XXYLT1: variants seen among roughly 807,000 people sequenced by gnomAD.
XXYLT1 encodes xyloside xylosyltransferase 1, also known as UDP-xylose:alpha-xyloside alpha-1,3-xylosyltransferase.
XXYLT1 carries 20 observed loss-of-function variants against 28.9 expected under a neutral mutation model. That is an observed-to-expected ratio of 0.69 (90% CI 0.49 to 1.00). The LOEUF (loss-of-function observed/expected upper bound fraction) is 1.00. Ranked by LOEUF, XXYLT1 falls within the 50% of genes least tolerant of loss-of-function variation. The pLI is 0.00. For missense variants in XXYLT1, 542 were observed against 560.1 expected (o/e 0.97, Z 0.33); for synonymous variants, 257 against 253.8 (o/e 1.01, Z -0.12).
chr3:195,244,859 A>C (rs1021280768), intron 1 of XXYLT1, among the ~76,000 whole-genome samples: 11 of 145,768 alleles, frequency 7.5e-5, no homozygotes, highest in Non-Finnish European at 1.2e-4. Flanking sequence ...TCAAAAAAAA[A>C]AAAAACAAAA....
At chr3:195,083,256 A>C (rs140111549) in intron 3 of XXYLT1, among the ~76,000 whole-genome samples, 15 of 152,220 alleles carry the variant, frequency 9.9e-5, no homozygotes, top group African/African-American at 3.6e-4. Flanking sequence ...AAGCCTTGAT[A>C]ACCCCCTGCG....
chr3:195,210,929 C>T lies in XXYLT1; in HGVS notation c.652+15780G>A, dbSNP rs575986851. 2.0e-5 allele frequency among the ~76,000 whole-genome samples: 3 copies of T among 152,320 alleles called. No individual in the cohort carries two copies. The highest frequency in any genetic ancestry group is 2.1e-4 in the South Asian group (1 of 4,824). On this transcript the variant is annotated intron_variant, in intron 2 of 3. Transcript: ENST00000310380. This position sits in a 1 kb window ranked among gnomAD's most constrained non-coding sequence, Gnocchi z 4.8. The stretch of plus-strand genomic sequence containing the variant: ...AACGCTGACAGTCAAGGGCAGCACC[C>T]GCCACAGCAGGAATCAGAGTTCTCC...
chr3:195,121,920 C>T (rs1451322329), intron 3 of XXYLT1: 4 of 651,030 alleles, frequency 6.1e-6, no homozygotes, highest in Non-Finnish European at 1.1e-5. Flanking sequence ...GAAAGCCCAG[C>T]CTGGACCCTA....
In XXYLT1 at chr3:195,270,838, G is replaced by A. The variant is rs1185280977; in HGVS notation, c.221C>T (p.Ala74Val). ...AAPSPPALEL[A>V]RGSVAPAPGA... ...GGGGGCTGGCGCCACGGAGCCCCGC[G>A]CTAGCTCCAGCGCGGGCGGCGAGGG... Residue 74 changes from alanine to valine, a missense_variant, in exon 1 of 4, where the codon GCG (alanine) becomes GTG (valine). Physicochemically the swap from Ala to Val is moderately conservative, Grantham distance 64. Transcript: ENST00000310380. The A allele has an allele frequency of 2.1e-6, 3 of 1,451,210 alleles. No individual in the cohort carries two copies. Among genetic ancestry groups the A allele is most frequent in the Non-Finnish European group, 1.8e-6 (2 of 1,103,396 alleles). 89.9% of individuals were successfully genotyped at this position (1,451,210 alleles called of 1,614,324 possible). A position where few individuals can be genotyped will look rare whatever the true frequency, so the allele number is the denominator to read the frequency against.
chr3:195,125,444 C>T (rs941221284), intron 3 of XXYLT1, among the ~76,000 whole-genome samples: 5 of 152,216 alleles, frequency 3.3e-5, no homozygotes, highest in African/African-American at 1.2e-4. Flanking sequence ...GCAGCCCTAG[C>T]CTGTCCACCG....
intron 3 of XXYLT1, among the ~76,000 whole-genome samples, chr3:195,106,979 G>A (rs557748665): frequency 6.6e-6 from 1 of 152,266 alleles, no homozygotes; most frequent in Admixed American, 6.5e-5. Context: ...GCTCCCGGAT[G>A]GTAATACAAT....
intron 3 of XXYLT1, among the ~76,000 whole-genome samples, chr3:195,125,233 G>A (rs1228767374): frequency 6.6e-6 from 1 of 152,276 alleles, no homozygotes; most frequent in Non-Finnish European, 1.5e-5. Flanking sequence ...GGCTCCGACA[G>A]GGAGCTGAAC....
chr3:195,183,566 C>T (rs554440668), intron 2 of XXYLT1: 1 of 152,360 alleles, frequency 6.6e-6, no homozygotes, highest in East Asian at 1.9e-4. Context: ...TACGATTGGT[C>T]TGTCCTTTGG....
intron 1 of XXYLT1, among the ~76,000 whole-genome samples, chr3:195,239,812 T>A (rs562976114): frequency 6.6e-6 from 1 of 152,246 alleles, no homozygotes; most frequent in Admixed American, 6.5e-5. Context: ...CCCTGTGAAT[T>A]TATGTAGAAT....
intron 1 of XXYLT1, among the ~76,000 whole-genome samples, chr3:195,235,903 CATAGACATAGACAT>C (rs1724517884): frequency 1.8e-5 from 2 of 112,690 alleles, no homozygotes; most frequent in African/African-American, 1.1e-4. Context: ...TAGACATAGA[CATAGACATAGACAT>C]AGACATAGAC....
intron 3 of XXYLT1, among the ~76,000 whole-genome samples, chr3:195,101,258 G>A (rs1019600628): frequency 6.6e-6 from 1 of 152,274 alleles, no homozygotes; most frequent in Non-Finnish European, 1.5e-5. Context: ...TTGATTGGGA[G>A]CAATTAAGGA....
At chr3:195,200,026 C>A (rs1425902374) in intron 2 of XXYLT1, among the ~76,000 whole-genome samples, 1 of 152,248 alleles carries the variant, frequency 6.6e-6, no homozygotes, top group East Asian at 1.9e-4. Context: ...TGATGGTGTA[C>A]ACTGTGACCC....
At chr3:195,085,185 G>A (rs907535357) in intron 3 of XXYLT1, among the ~76,000 whole-genome samples, 4 of 152,236 alleles carry the variant, frequency 2.6e-5, no homozygotes, top group African/African-American at 9.6e-5. Flanking sequence ...GGACAAAAGG[G>A]GCTGAGTGAG....
chr3:195,090,833 G>A (rs904649437), intron 3 of XXYLT1, among the ~76,000 whole-genome samples: 7 of 151,110 alleles, frequency 4.6e-5, no homozygotes, highest in Non-Finnish European at 1.0e-4. Context: ...AATAAAAAAT[G>A]ATAAAGGGGA....
intron 1 of XXYLT1, among the ~76,000 whole-genome samples, chr3:195,250,134 G>A (rs62285241): frequency 6.6e-6 from 1 of 152,270 alleles, no homozygotes; most frequent in South Asian, 2.1e-4. Flanking sequence ...ACACTGCACT[G>A]AGCCTCCGAC....
rs573597534 is a variant in XXYLT1, at chr3:195,133,687, G to A, written c.785+22762C>T. 7.2e-5 allele frequency among the ~76,000 whole-genome samples: 11 copies of A among 152,200 alleles called. No individual in the cohort carries two copies. In the South Asian group the frequency reaches 2.1e-3, roughly 29 times the overall value. ...GCCATGCAGCATTGTATACAGTCACGCACCACGTGACGACGTTGCAGTCAA... is the reference window on the plus strand; with the variant it reads ...GCCATGCAGCATTGTATACAGTCACACACCACGTGACGACGTTGCAGTCAA... On this transcript the variant is annotated intron_variant, in intron 3 of 3. Coordinates refer to ENST00000310380, the MANE Select transcript of XXYLT1 (RefSeq NM_152531.5). The surrounding 1 kb of genome is among the most constrained non-coding windows in gnomAD (Gnocchi z 4.4).
intron 1 of XXYLT1, among the ~76,000 whole-genome samples, chr3:195,259,127 A>G (rs1372212693): frequency 6.6e-6 from 1 of 152,226 alleles, no homozygotes; most frequent in Non-Finnish European, 1.5e-5. Context: ...TGCTATCCCC[A>G]GGCCTGCCTG....
rs566747340 is a variant in XXYLT1, at chr3:195,259,709, GGGCGGCCCCCGGAGCCGGCCTCT to G, written c.504+10823_504+10845del. The G allele has an allele frequency of 5.6e-4, 552 of 983,226 alleles. 1 individual carries two copies. In the African/African-American group the frequency reaches 8.9e-3, roughly 16 times the overall value. The allele number at this position is 983,226 out of a possible 1,614,324, so 60.9% of individuals were successfully genotyped here. ...AGCGCCAGGGACAGACCCAGCACCA[GGGCGGCCCCCGGAGCCGGCCTCT>G]GGCGGCCTCGGGTCTTTTGCCAAAT... On this transcript the variant is annotated intron_variant, in intron 1 of 3. Coordinates refer to ENST00000310380, the MANE Select transcript of XXYLT1 (RefSeq NM_152531.5).
intron 3 of XXYLT1, among the ~76,000 whole-genome samples, chr3:195,090,841 G>A (rs998861320): frequency 1.3e-5 from 2 of 150,732 alleles, no homozygotes; most frequent in African/African-American, 4.9e-5. Context: ...ATGATAAAGG[G>A]GATATCACCA....
Sources: gnomAD v4.1 joint callset for allele counts (sites outside exome capture counted in the v4.1 genomes callset) on GRCh38, gnomAD v4.1.1 for gene constraint, Gnocchi (gnomAD v3.1) non-coding constraint, MANE v1.5 for transcripts, NCBI Gene and HGNC (gene_info 2026-07-23, HGNC 2026-07-21) for gene names.